The following DNAH7 variants were observed in gnomAD, a reference collection of about 807,000 sequenced individuals.
The protein encoded by DNAH7 is dynein axonemal heavy chain 7, also known as axonemal beta dynein heavy chain 7.
DNAH7 carries 397 observed loss-of-function variants against 444.6 expected under a neutral mutation model. The ratio of observed to expected loss-of-function variants is 0.89; its 90% CI spans 0.82 to 0.97. The LOEUF (loss-of-function observed/expected upper bound fraction) is 0.97. Ranked by LOEUF, DNAH7 falls within the 50% of genes least tolerant of loss-of-function variation. DNAH7 has a pLI of 0.00. For synonymous variants in DNAH7, 1,636 were observed against 1,624.4 expected, an observed-to-expected ratio of 1.01 and a Z score of -0.17; for missense variants, 4,902 against 4,800.8, an observed-to-expected ratio of 1.02 and a Z score of -0.62.
intron 17 of DNAH7, among the ~76,000 whole-genome samples, chr2:195,966,535 C>T (rs1691490931): frequency 6.7e-6 from 1 of 149,954 alleles, no homozygotes; most frequent in Non-Finnish European, 1.5e-5. Context: ...TGTCCAGTGC[C>T]AAAAGTGAGG....
chr2:196,001,799 G>C lies in DNAH7; in HGVS notation c.1049C>G (p.Thr350Ser). Reference protein sequence around the residue: ...YQGNKKKQLPTGDSSAKLESF... With the variant: ...YQGNKKKQLPSGDSSAKLESF... ...TTCCAATTTGGCACTGCTGTCACCAGTTGGCAATTGCTTTTTTTTATTACC... is the reference window on the plus strand; with the variant it reads ...TTCCAATTTGGCACTGCTGTCACCACTTGGCAATTGCTTTTTTTTATTACC... Residue 350 changes from threonine to serine, a missense_variant, in exon 11 of 65, where the codon ACT becomes AGT. Thr to Ser is a moderately conservative substitution (Grantham distance 58). Coordinates refer to ENST00000312428, the MANE Select transcript of DNAH7 (RefSeq NM_018897.3). The C allele has an allele frequency of 1.9e-6, 3 of 1,612,762 alleles. No homozygotes were observed. Among genetic ancestry groups the C allele is most frequent in the South Asian group, 2.2e-5 (2 of 90,702 alleles).
At chr2:195,866,936 G>A (rs539266341) in intron 40 of DNAH7, among the ~76,000 whole-genome samples, 8 of 152,210 alleles carry the variant, frequency 5.3e-5, no homozygotes, top group Admixed American at 3.9e-4. Context: ...TTAAAAAGGG[G>A]AGTTTCCCTG....
At chr2:196,031,773 C>G (rs752677325) in intron 5 of DNAH7, among the ~76,000 whole-genome samples, 13 of 152,224 alleles carry the variant, frequency 8.5e-5, no homozygotes, top group South Asian at 2.1e-4. Context: ...ACCACCTCAG[C>G]CTGGATCTTA....
In DNAH7 at chr2:195,837,605, C is replaced by T. The variant is rs532241696; in HGVS notation, c.8946-3245G>A. Among the ~76,000 whole-genome samples, 196 of 152,096 alleles carry T rather than the reference C, an allele frequency of 1.3e-3. 1 individual carries two copies. The Middle Eastern group carries it at 0.017, about 13-fold the overall frequency. On this transcript the variant is annotated intron_variant, in intron 47 of 64. Transcript: ENST00000312428. ...CAAAATAAGTAACTGAAAAAATGAC[C>T]ATATGTGAGCCAGAGAGCATGGGCA...
Position 195,864,177 on chromosome 2 carries a change from A to C in DNAH7, c.7478T>G (p.Val2493Gly), listed in dbSNP as rs1456793683. The change falls in exon 41 of 65, where the codon GTT becomes GGT. Residue 2493 changes from valine (V) to glycine (G), a missense_variant. Physicochemically the swap from Val to Gly is moderately radical, Grantham distance 109. Coordinates refer to ENST00000312428, the MANE Select transcript of DNAH7 (RefSeq NM_018897.3). ...AAACCAGTCAATGGTACAGCAGTTA[A>C]CAAGAGCAGGGAACTTTCTAAGACG... is the stretch of plus-strand genomic sequence containing the variant. Reference protein sequence around the residue: ...RNRLRKFPALVNCCTIDWFQS... With the variant: ...RNRLRKFPALGNCCTIDWFQS... 2 of 1,614,130 alleles carry C rather than the reference A, an allele frequency of 1.2e-6. No individual in the cohort carries two copies. Among genetic ancestry groups the C allele is most frequent in the Admixed American group, 3.3e-5 (2 of 60,008 alleles).
chr2:195,780,814 A>T (rs1695337130), intron 58 of DNAH7, among the ~76,000 whole-genome samples: 3 of 152,082 alleles, frequency 2.0e-5, no homozygotes, highest in Admixed American at 2.0e-4. Flanking sequence ...TAATCTCTTG[A>T]GAATTTTTTC....
At chr2:195,927,710 A>G (rs1472522537) in intron 21 of DNAH7, among the ~76,000 whole-genome samples, 2 of 151,550 alleles carry the variant, frequency 1.3e-5, no homozygotes, top group African/African-American at 4.8e-5. Flanking sequence ...ACAATATTAT[A>G]TGTAAAGTCT....
At chr2:195,889,080 T>C (rs1701867024) in intron 31 of DNAH7, 99 bp from the exon 32 acceptor site, 1 of 1,046,380 alleles carries the variant, frequency 9.6e-7, no homozygotes, top group South Asian at 1.6e-5. Flanking sequence ...ATATAAGTAC[T>C]AGGATTAATT....
chr2:195,817,934 A>C, intron 49 of DNAH7, 105 bp from the exon 50 acceptor site: 1 of 743,784 alleles, frequency 1.3e-6, no homozygotes, highest in Non-Finnish European at 2.0e-6. Context: ...TTTACTATAT[A>C]TGGTAGTACT....
At chr2:195,994,053 T>C (rs1227340238) in intron 12 of DNAH7, among the ~76,000 whole-genome samples, 1 of 152,248 alleles carries the variant, frequency 6.6e-6, no homozygotes, top group Non-Finnish European at 1.5e-5. Flanking sequence ...CAAGGGAGCC[T>C]GCAACTGTGC....
At chr2:195,799,988 A>G (rs900669399) in intron 54 of DNAH7, among the ~76,000 whole-genome samples, 2 of 152,168 alleles carry the variant, frequency 1.3e-5, no homozygotes, top group African/African-American at 4.8e-5. Context: ...TTGTCTGAGA[A>G]TTTTCTGGGA....
At position 195,906,669 on chromosome 2, in the gene DNAH7, T is replaced by C. The variant is rs1296336032; in HGVS notation, c.4325A>G (p.Asp1442Gly). ...PGYAGRSELP[D>G]NLKALFRTVA... ...TAACTCCTTCCATACCTTCAGGTTATCTGGCAGTTCTGATCGCCCAGCATA... is the reference window on the plus strand; with the variant it reads ...TAACTCCTTCCATACCTTCAGGTTACCTGGCAGTTCTGATCGCCCAGCATA... The change falls in exon 27 of 65, where the codon GAT (aspartate) becomes GGT (glycine). Residue 1442 changes from aspartate (D) to glycine (G), a missense_variant. By Grantham distance (94) the Asp-to-Gly change is moderately conservative. Coordinates refer to ENST00000312428, the MANE Select transcript of DNAH7 (RefSeq NM_018897.3). 6.2e-7 allele frequency: 1 copy of C among 1,612,172 alleles called. No individual in the cohort carries two copies.
intron 64 of DNAH7, 116 bp downstream of exon 64, chr2:195,740,650 T>TATATATATATATACAC (rs1453163601): frequency 5.5e-5 from 4 of 72,194 alleles, no homozygotes; most frequent in African/African-American, 2.6e-4. Flanking sequence ...TATATACATA[T>TATATATATATATACAC]ACACACACAC....
intron 18 of DNAH7, among the ~76,000 whole-genome samples, chr2:195,958,666 A>G (rs548410354): frequency 6.6e-6 from 1 of 152,226 alleles, no homozygotes; most frequent in Non-Finnish European, 1.5e-5. Flanking sequence ...GTTTCTAAGT[A>G]TAGAGAATAT....
intron 19 of DNAH7, among the ~76,000 whole-genome samples, chr2:195,949,269 A>T (rs1690047592): frequency 6.6e-6 from 1 of 151,946 alleles, no homozygotes; most frequent in South Asian, 2.1e-4. Context: ...TTCCTTTTTG[A>T]ATACCACTTA....
chr2:195,972,076 T>A (rs559409851), intron 16 of DNAH7, among the ~76,000 whole-genome samples, 166 bp downstream of exon 16: 68 of 152,200 alleles, frequency 4.5e-4, no homozygotes, highest in Middle Eastern at 3.4e-3. Context: ...TTATAAAAGA[T>A]CCAATATATT....
At chr2:196,060,999 G>T (rs916132512) in intron 1 of DNAH7, among the ~76,000 whole-genome samples, 2 of 151,930 alleles carry the variant, frequency 1.3e-5, no homozygotes, top group African/African-American at 4.8e-5. Flanking sequence ...TACATTTATG[G>T]TATACAATGT....
Position 195,936,590 on chromosome 2 carries a change from ATTAC to A in DNAH7, c.3272+5_3272+8del, listed in dbSNP as rs762111173. The A allele has an allele frequency of 6.4e-7, 1 of 1,565,244 alleles. No individual in the cohort carries two copies. The highest frequency in any genetic ancestry group is 2.1e-5 in the Admixed American group (1 of 46,930). ...ATTTAGTCATGTATTCTACATGTAA[ATTAC>A]TTACCTAGTGGGATCTTTAGTCTCA... On this transcript the variant is annotated splice_donor_5th_base_variant and intron_variant, in intron 20 of 64. Coordinates refer to ENST00000312428, the MANE Select transcript of DNAH7 (RefSeq NM_018897.3).
chr2:195,816,922 G>A lies in DNAH7; in HGVS notation c.9467C>T (p.Ser3156Leu), dbSNP rs1697250125. The part of the protein sequence containing the change: ...EIEDKILEVL[S>L]SSEGNILEDE... ...TTCTAATATATTGCCTTCCGAAGAT[G>A]AAAGAACTTCTAAAATCTTGTCTTC... The change falls in exon 51 of 65, where the codon TCA becomes TTA. Residue 3156 changes from serine (S) to leucine (L), a missense_variant. Ser to Leu is a moderately radical substitution (Grantham distance 145). Coordinates refer to ENST00000312428, the MANE Select transcript of DNAH7 (RefSeq NM_018897.3). 1 of 1,607,058 alleles carries A rather than the reference G, an allele frequency of 6.2e-7. No homozygotes were observed. The highest frequency in any genetic ancestry group is 2.2e-5 in the East Asian group (1 of 44,758).
Sources: allele counts gnomAD v4.1 joint callset (sites outside exome capture counted in the v4.1 genomes callset), GRCh38; gene constraint gnomAD v4.1.1; transcripts MANE v1.5; gene names NCBI Gene and HGNC (gene_info 2026-07-23, HGNC 2026-07-21).